The following MEIS2 variants were observed in gnomAD, a reference collection of about 807,000 sequenced individuals.
MEIS2 encodes the protein homeobox protein Meis2.
MEIS2 carries 9 observed loss-of-function variants against 58.6 expected under a neutral mutation model. The ratio of observed to expected loss-of-function variants is 0.15; its 90% CI spans 0.09 to 0.27. The LOEUF is 0.27. MEIS2 is among the 10% of genes least tolerant of loss of function. The pLI, the probability that MEIS2 is intolerant of heterozygous loss-of-function variation, is 1.00. For missense variants in MEIS2, 427 were observed against 635.0 expected (o/e 0.67, Z 3.52); for synonymous variants, 221 against 228.4 (o/e 0.97, Z 0.29).
chr15:37,001,604 C>T (rs112182572), intron 8 of MEIS2, among the ~76,000 whole-genome samples: 13 of 152,210 alleles, frequency 8.5e-5, no homozygotes, highest in African/African-American at 3.1e-4. Flanking sequence ...ATACTTATCT[C>T]CTCACTTCCA....
chr15:37,082,283 G>A (rs551001771), intron 7 of MEIS2, among the ~76,000 whole-genome samples: 53 of 152,310 alleles, frequency 3.5e-4, no homozygotes, highest in Non-Finnish European at 6.6e-4. Context: ...CACACAAGAA[G>A]TCTCTGGAAG....
At chr15:37,063,469 A>G (rs1359052675) in intron 7 of MEIS2, among the ~76,000 whole-genome samples, 1 of 152,124 alleles carries the variant, frequency 6.6e-6, no homozygotes. Context: ...AGGTAAAGGG[A>G]AGTTTCTTAG....
chr15:36,966,701 C>T (rs62045766), intron 8 of MEIS2, among the ~76,000 whole-genome samples: 46,125 of 151,792 alleles, frequency 0.3, 7,603 homozygotes, highest in East Asian at 0.55. Flanking sequence ...TATATTCTGG[C>T]AAGGAGTGAA....
At chr15:37,083,541 A>C (rs890184538) in intron 7 of MEIS2, among the ~76,000 whole-genome samples, 1 of 152,194 alleles carries the variant, frequency 6.6e-6, no homozygotes, top group African/African-American at 2.4e-5. Context: ...GGCAGAACTA[A>C]TCAATTGTTA....
At position 36,889,871 on chromosome 15, in the gene MEIS2, T is replaced by C. The variant is rs2141207107; in HGVS notation, c.*2302A>G. 1 of 152,326 alleles carries C rather than the reference T, an allele frequency of 6.6e-6. No individual in the cohort carries two copies. The highest frequency in any genetic ancestry group is 2.4e-5 in the African/African-American group (1 of 41,590). 9.4% of individuals were successfully genotyped at this position (152,326 alleles called of 1,614,324 possible). On this transcript the variant is annotated 3_prime_UTR_variant, in exon 12 of 12. Transcript: ENST00000561208. ...AAATGAGAGGGAAGCTATCTCTCTT[T>C]CCCAAGTGGCACTGAATTTCTCTAT...
At chr15:37,015,734 C>CT (rs923785713) in intron 8 of MEIS2, among the ~76,000 whole-genome samples, 16 of 151,838 alleles carry the variant, frequency 1.1e-4, no homozygotes, top group Admixed American at 5.3e-4. Context: ...TGCTTTCTAC[C>CT]TTTTTTTTCC....
intron 7 of MEIS2, among the ~76,000 whole-genome samples, chr15:37,071,251 G>A (rs1890667697): frequency 6.6e-6 from 1 of 152,142 alleles, no homozygotes; most frequent in South Asian, 2.1e-4. Flanking sequence ...GAATCTTACA[G>A]TCAAGCAAGA....
intron 2 of MEIS2, 58 bp downstream of exon 2, chr15:37,097,903 CACAGAG>C: frequency 1.3e-6 from 2 of 1,505,406 alleles, no homozygotes; most frequent in Admixed American, 2.1e-5. Flanking sequence ...TTCCCACCCC[CACAGAG>C]ACAAACACAC....
rs1320919738 is a variant in MEIS2 at position 37,036,877 on chromosome 15, T to C, written c.837A>G (p.Lys279=). The C allele has an allele frequency of 7.4e-6, 12 of 1,614,014 alleles. No homozygotes were observed. The Admixed American group carries it at 1.8e-4, about 25-fold the overall frequency. The change falls in exon 8 of 12, where the codon AAA becomes AAG. Residue 279 remains lysine (K), a synonymous_variant. Coordinates refer to ENST00000561208, the MANE Select transcript of MEIS2 (RefSeq NM_170675.5). ...TTGCTACTTTGGGGAAAATGCCTCT[T>C]TTCTTCTGGCGTTTTTTGTCCTTAT... ...DPDKDKKRQK[K]RGIFPKVATN... is the part of the protein sequence containing the mutation.
In MEIS2 at chr15:37,093,742, G is replaced by A; in HGVS notation, c.490-12C>T. 6.2e-7 allele frequency: 1 copy of A among 1,613,698 alleles called. No homozygotes were observed. On this transcript the variant is annotated splice_polypyrimidine_tract_variant and intron_variant, in intron 5 of 11. Coordinates refer to ENST00000561208, the MANE Select transcript of MEIS2 (RefSeq NM_170675.5). Reference sequence around the variant, plus strand: ...CACAGTTCGTGGACCTAGAACGAAGGTCATGGTGGAGGGTTTAGCTCATGT... The same window carrying A: ...CACAGTTCGTGGACCTAGAACGAAGATCATGGTGGAGGGTTTAGCTCATGT...
intron 7 of MEIS2, among the ~76,000 whole-genome samples, chr15:37,041,286 A>T (rs1196041122): frequency 2.0e-5 from 3 of 152,210 alleles, no homozygotes; most frequent in Non-Finnish European, 2.9e-5. Context: ...TCATCCCTGC[A>T]GGTGGGTCTG....
intron 6 of MEIS2, among the ~76,000 whole-genome samples, chr15:37,086,070 C>T (rs533339652): frequency 4.3e-4 from 65 of 152,322 alleles, no homozygotes; most frequent in Non-Finnish European, 8.5e-4. Context: ...CTAAACTTTT[C>T]ATTGTACACA....
intron 8 of MEIS2, among the ~76,000 whole-genome samples, chr15:36,955,081 C>T (rs773472015): frequency 1.2e-4 from 18 of 152,142 alleles, no homozygotes; most frequent in African/African-American, 2.4e-4. Flanking sequence ...AATAAATAAA[C>T]GCATCTTCCT....
chr15:37,051,642 A>G (rs2062923252), intron 7 of MEIS2, among the ~76,000 whole-genome samples: 1 of 152,220 alleles, frequency 6.6e-6, no homozygotes, highest in African/African-American at 2.4e-5. Context: ...AGTTCATAAA[A>G]ATAATAAGCA....
intron 9 of MEIS2, among the ~76,000 whole-genome samples, chr15:36,914,448 G>A (rs1207232504): frequency 6.6e-6 from 1 of 152,264 alleles, no homozygotes; most frequent in Non-Finnish European, 1.5e-5. Context: ...CTAGAAGAGA[G>A]TTGGGTAGTT....
chr15:36,987,593 G>A (rs1459726687), intron 8 of MEIS2, among the ~76,000 whole-genome samples: 9 of 152,184 alleles, frequency 5.9e-5, no homozygotes, highest in South Asian at 2.1e-4. Flanking sequence ...GTGAAATTAT[G>A]ATAAAATGAA....
intron 8 of MEIS2, among the ~76,000 whole-genome samples, chr15:37,009,209 A>T (rs1197009785): frequency 6.6e-6 from 1 of 152,156 alleles, no homozygotes; most frequent in African/African-American, 2.4e-5. Context: ...GAATGGCATG[A>T]ACCTGGGAGG....
At chr15:37,035,247 C>T (rs980018985) in intron 8 of MEIS2, among the ~76,000 whole-genome samples, 3 of 152,108 alleles carry the variant, frequency 2.0e-5, no homozygotes, top group African/African-American at 7.2e-5. Context: ...ACTCGACTTC[C>T]AAATTAAAAA....
At chr15:37,006,725 C>T (rs1308372244) in intron 8 of MEIS2, among the ~76,000 whole-genome samples, 1 of 152,206 alleles carries the variant, frequency 6.6e-6, no homozygotes, top group Non-Finnish European at 1.5e-5. Flanking sequence ...ACTTAACTTG[C>T]TTCTTCATGG....
Sources: gnomAD v4.1 joint callset for allele counts (sites outside exome capture counted in the v4.1 genomes callset) on GRCh38, gnomAD v4.1.1 for gene constraint, MANE v1.5 for transcripts, NCBI Gene and HGNC (gene_info 2026-07-23, HGNC 2026-07-21) for gene names.